Variants in TNFRSF10D observed in about 807,000 individuals in gnomAD.
The protein encoded by TNFRSF10D is tumor necrosis factor receptor superfamily member 10D.
A neutral mutation model predicts 42.1 loss-of-function variants in TNFRSF10D; 28 were observed. That is an observed-to-expected ratio of 0.66 (90% CI 0.49 to 0.91). The LOEUF (loss-of-function observed/expected upper bound fraction) is 0.91, where lower values mean the gene tolerates loss of function less well. Ranked by LOEUF, TNFRSF10D falls within the 40% of genes least tolerant of loss-of-function variation. The probability of loss-of-function intolerance (pLI) is 0.00; values close to 1 mark genes in which losing one functional copy is unlikely to be tolerated. For synonymous variants in TNFRSF10D, 186 were observed against 189.4 expected, an observed-to-expected ratio of 0.98 and a Z score of 0.15; for missense variants, 503 against 486.1, an observed-to-expected ratio of 1.03 and a Z score of -0.33.
In TNFRSF10D at chr8:23,137,157, A is replaced by G. The variant is rs1814345196; in HGVS notation, c.*713T>C. On this transcript the variant is annotated 3_prime_UTR_variant, in exon 9 of 9. Transcript: ENST00000312584. The stretch of plus-strand genomic sequence containing the variant: ...CTAATTAAGGTGGGGGTAAGCCCCA[A>G]TAATCCTATCTTAAAGCTCAAAACT... 1 of 152,258 alleles carries G rather than the reference A, an allele frequency of 6.6e-6. No individual in the cohort carries two copies. The highest frequency in any genetic ancestry group is 2.1e-4 in the South Asian group (1 of 4,832). 9.4% of individuals were successfully genotyped at this position (152,258 alleles called of 1,614,324 possible).
In TNFRSF10D at chr8:23,140,206, G is replaced by A. The variant is rs191463475; in HGVS notation, c.955-1946C>T. ...GGGGAGGCTGAGGCAGGAGAATGGC[G>A]TGAACCTGGGAGGTGGAGCTTGCAG... On this transcript the variant is annotated intron_variant, in intron 7 of 8. Coordinates refer to ENST00000312584, the MANE Select transcript of TNFRSF10D (RefSeq NM_003840.5). Among the ~76,000 whole-genome samples, 325 of 152,144 alleles carry A rather than the reference G, an allele frequency of 2.1e-3. 15 individuals are homozygous for A. The highest frequency in any genetic ancestry group is 1.6e-3 in the Non-Finnish European group (108 of 67,992).
At chr8:23,147,363 G>A (rs1044292288) in intron 3 of TNFRSF10D, among the ~76,000 whole-genome samples, 1 of 152,242 alleles carries the variant, frequency 6.6e-6, no homozygotes, top group Non-Finnish European at 1.5e-5. Context: ...GAGAGACTCT[G>A]CAAGGAGAGG....
chr8:23,150,991 G>T (rs921335634), intron 2 of TNFRSF10D, among the ~76,000 whole-genome samples: 2 of 152,150 alleles, frequency 1.3e-5, no homozygotes, highest in African/African-American at 4.8e-5. Flanking sequence ...AACAGAAAGT[G>T]TAATTAAAGA....
chr8:23,163,996 T>A lies in TNFRSF10D; in HGVS notation c.-61A>T. The A allele has an allele frequency of 6.7e-7, 1 of 1,491,922 alleles. No homozygotes were observed. Among genetic ancestry groups the A allele is most frequent in the South Asian group, 1.4e-5 (1 of 73,560 alleles). The allele number at this position is 1,491,922 out of a possible 1,614,324, so 92.4% of individuals were successfully genotyped here. A position where few individuals can be genotyped will look rare whatever the true frequency, so the allele number is the denominator to read the frequency against. On this transcript the variant is annotated 5_prime_UTR_variant, in exon 1 of 9. Transcript: ENST00000312584. ...TCAATCAGAAATCGTCCCCGTAGTT[T>A]GTGCGCGTGCAAAGGTTCTCGCAGC... is the stretch of plus-strand genomic sequence containing the variant.
chr8:23,144,121 A>G (rs1800072888), intron 7 of TNFRSF10D, among the ~76,000 whole-genome samples: 1 of 152,226 alleles, frequency 6.6e-6, no homozygotes, highest in African/African-American at 2.4e-5. Context: ...TGTTTCAAGC[A>G]AGGGCTCCCT....
rs566418039 is a variant in TNFRSF10D at position 23,136,271 on chromosome 8, G to C, written c.*1599C>G. On this transcript the variant is annotated 3_prime_UTR_variant, in exon 9 of 9. Coordinates refer to ENST00000312584, the MANE Select transcript of TNFRSF10D (RefSeq NM_003840.5). ...ACGTGACACAAGGACAAATGTGTCA[G>C]CCATTTTAGATCCTGTTGTCACAGT... 1,374 of 236,434 alleles carry C rather than the reference G, an allele frequency of 5.8e-3. 2 individuals carry two copies. The highest frequency in any genetic ancestry group is 0.02 in the African/African-American group (887 of 43,452). 14.6% of individuals were successfully genotyped at this position (236,434 alleles called of 1,614,324 possible).
intron 4 of TNFRSF10D, among the ~76,000 whole-genome samples, chr8:23,146,478 G>A (rs940403733): frequency 6.6e-6 from 1 of 152,172 alleles, no homozygotes; most frequent in Admixed American, 6.5e-5. Flanking sequence ...GGGAACTTAA[G>A]GGAGCTCCAC....
intron 2 of TNFRSF10D, among the ~76,000 whole-genome samples, chr8:23,153,735 G>C (rs1800238100): frequency 6.6e-6 from 1 of 152,218 alleles, no homozygotes; most frequent in African/African-American, 2.4e-5. Context: ...TGTTGATGAT[G>C]ATGGGGAGAA....
intron 2 of TNFRSF10D, among the ~76,000 whole-genome samples, chr8:23,151,596 T>C (rs1800213186): frequency 6.6e-6 from 1 of 152,168 alleles, no homozygotes; most frequent in South Asian, 2.1e-4. Context: ...TGATACTTAA[T>C]ACAATTTGTT....
intron 7 of TNFRSF10D, among the ~76,000 whole-genome samples, chr8:23,143,107 G>C (rs1288809445): frequency 6.6e-6 from 1 of 152,134 alleles, no homozygotes; most frequent in Non-Finnish European, 1.5e-5. Context: ...CTCCCGAGTA[G>C]CTGGGACTAC....
At chr8:23,160,571 C>T (rs966606661) in intron 1 of TNFRSF10D, among the ~76,000 whole-genome samples, 1 of 152,222 alleles carries the variant, frequency 6.6e-6, no homozygotes, top group African/African-American at 2.4e-5. Flanking sequence ...GCCCTCATGT[C>T]CCCTGGTTGT....
chr8:23,143,252 A>G (rs1343358806), intron 7 of TNFRSF10D, among the ~76,000 whole-genome samples: 1 of 150,168 alleles, frequency 6.7e-6, no homozygotes, highest in Non-Finnish European at 1.5e-5. Flanking sequence ...CTGGGATTAC[A>G]GGCATGAGCC....
intron 1 of TNFRSF10D, among the ~76,000 whole-genome samples, chr8:23,158,798 A>G (rs575501966): frequency 6.2e-3 from 948 of 152,252 alleles, no homozygotes; most frequent in African/African-American, 0.019. Flanking sequence ...TTTTTAAAAT[A>G]GATTTATTGT....
chr8:23,160,028 AC>A (rs1391787199), intron 1 of TNFRSF10D, among the ~76,000 whole-genome samples: 1 of 151,706 alleles, frequency 6.6e-6, no homozygotes, highest in Non-Finnish European at 1.5e-5. Context: ...CAACAATACC[AC>A]ATCCTATAGC....
chr8:23,155,984 A>G (rs1348323707), intron 1 of TNFRSF10D, among the ~76,000 whole-genome samples: 1 of 152,196 alleles, frequency 6.6e-6, no homozygotes, highest in African/African-American at 2.4e-5. Flanking sequence ...ACTAAATATC[A>G]AAGAGTGACA....
chr8:23,151,436 C>T (rs1800211594), intron 2 of TNFRSF10D, among the ~76,000 whole-genome samples: 1 of 151,642 alleles, frequency 6.6e-6, no homozygotes, highest in Non-Finnish European at 1.5e-5. Context: ...AAGAACAGAA[C>T]ACTAACTGGA....
chr8:23,160,952 G>C (rs897192504), intron 1 of TNFRSF10D, among the ~76,000 whole-genome samples: 1 of 152,226 alleles, frequency 6.6e-6, no homozygotes, highest in Non-Finnish European at 1.5e-5. Flanking sequence ...TCTGTTCCTC[G>C]ATGGCCCCTC....
chr8:23,144,672 C>T (rs116787996), intron 6 of TNFRSF10D, 37 bp from the exon 7 acceptor site: 28 of 1,594,998 alleles, frequency 1.8e-5, no homozygotes, highest in Admixed American at 6.8e-5. Flanking sequence ...GTCCACACCC[C>T]GGGCTCAGCT....
chr8:23,144,929 TC>T, intron 6 of TNFRSF10D, 128 bp downstream of exon 6: 1 of 1,392,078 alleles, frequency 7.2e-7, no homozygotes. Flanking sequence ...TCAGCCCAGA[TC>T]CCCCAGGCCA....
Sources: allele counts gnomAD v4.1 joint callset (sites outside exome capture counted in the v4.1 genomes callset), GRCh38; gene constraint gnomAD v4.1.1; transcripts MANE v1.5; gene names NCBI Gene and HGNC (gene_info 2026-07-23, HGNC 2026-07-21).